The following SLIT2 variants were observed in gnomAD, a reference collection of about 807,000 sequenced individuals.
The protein encoded by SLIT2 is slit homolog 2 protein.
In SLIT2, 41 loss-of-function variants were observed where a neutral mutation model predicts 185.7. That is an observed-to-expected ratio of 0.22 (90% CI 0.17 to 0.29). The LOEUF is 0.29. SLIT2 is among the 10% of genes least tolerant of loss of function. The probability of loss-of-function intolerance (pLI) is 1.00; values close to 1 mark genes in which losing one functional copy is unlikely to be tolerated. For missense variants in SLIT2, 1,571 were observed against 1,909.0 expected, an observed-to-expected ratio of 0.82 and a Z score of 3.30; for synonymous variants, 693 against 680.2, an observed-to-expected ratio of 1.02 and a Z score of -0.29.
intron 4 of SLIT2, among the ~76,000 whole-genome samples, chr4:20,401,632 T>G (rs1015268389): frequency 4.0e-5 from 6 of 151,868 alleles, no homozygotes; most frequent in Non-Finnish European, 5.9e-5. Context: ...GAAGATCCCT[T>G]TCAACCTCAA....
Position 20,358,439 on chromosome 4 carries a change from C to T in SLIT2, c.395+89558C>T, listed in dbSNP as rs76191973. Among the ~76,000 whole-genome samples the T allele has an allele frequency of 1.5e-3, 225 of 152,158 alleles. 1 individual carries two copies. Among genetic ancestry groups the T allele is most frequent in the African/African-American group, 4.9e-3 (205 of 41,544 alleles). On this transcript the variant is annotated intron_variant, in intron 4 of 36. Coordinates refer to ENST00000504154, the MANE Select transcript of SLIT2 (RefSeq NM_004787.4). Reference sequence around the variant, plus strand: ...CTGTTGTTCTTACTCACATCAGGCACGCAGTCTTACTTTTTTGTAAATTTA... The same window carrying T: ...CTGTTGTTCTTACTCACATCAGGCATGCAGTCTTACTTTTTTGTAAATTTA...
chr4:20,387,239 A>G (rs1031330302), intron 4 of SLIT2, among the ~76,000 whole-genome samples: 4 of 152,106 alleles, frequency 2.6e-5, no homozygotes, highest in African/African-American at 9.7e-5. Context: ...ATTTTTGAGG[A>G]TTCTAAAAGG....
chr4:20,529,261 G>A (rs1030443910), intron 16 of SLIT2, among the ~76,000 whole-genome samples, 162 bp downstream of exon 16: 1 of 152,104 alleles, frequency 6.6e-6, no homozygotes, highest in Non-Finnish European at 1.5e-5. Context: ...ATATATTAGA[G>A]GCTACCTTCA....
At chr4:20,407,932 C>T (rs537197952) in intron 4 of SLIT2, among the ~76,000 whole-genome samples, 1 of 152,172 alleles carries the variant, frequency 6.6e-6, no homozygotes. Context: ...AAACAAAACA[C>T]TTTGATTGGC....
intron 26 of SLIT2, among the ~76,000 whole-genome samples, chr4:20,554,676 A>G (rs1275806703): frequency 6.6e-6 from 1 of 152,156 alleles, no homozygotes; most frequent in Non-Finnish European, 1.5e-5. Context: ...ATGGTAGTCA[A>G]CTATATGGAT....
intron 4 of SLIT2, among the ~76,000 whole-genome samples, chr4:20,443,859 A>G (rs199601994): frequency 1.3e-5 from 2 of 152,320 alleles, no homozygotes; most frequent in African/African-American, 4.8e-5. Context: ...ACCACTCAGC[A>G]TGGCGTAAGA....
chr4:20,301,700 T>C (rs1717058746), intron 4 of SLIT2, among the ~76,000 whole-genome samples: 1 of 152,158 alleles, frequency 6.6e-6, no homozygotes, highest in African/African-American at 2.4e-5. Context: ...GAGGAGGATG[T>C]ATTTTCATTT....
At chr4:20,399,255 TTATA>T (rs1268577346) in intron 4 of SLIT2, among the ~76,000 whole-genome samples, 1 of 151,624 alleles carries the variant, frequency 6.6e-6, no homozygotes, top group Non-Finnish European at 1.5e-5. Flanking sequence ...CAATTATAAT[TTATA>T]TAAGAAAAAT....
At position 20,253,735 on chromosome 4, in the gene SLIT2, C is replaced by T; in HGVS notation, c.-81C>T. 3.9e-6 allele frequency: 6 copies of T among 1,537,154 alleles called. No homozygotes were observed. The highest frequency in any genetic ancestry group is 5.3e-6 in the Non-Finnish European group (6 of 1,138,110). On this transcript the variant is annotated 5_prime_UTR_variant, in exon 1 of 37. Coordinates refer to ENST00000504154, the MANE Select transcript of SLIT2 (RefSeq NM_004787.4). ...TTGCTAGCCCCGCCGGGCACTGGGC[C>T]TCAGACACTGCGCGGTTCCCTCGGA... is the stretch of plus-strand genomic sequence containing the variant.
chr4:20,292,779 T>C (rs1716086139), intron 4 of SLIT2, among the ~76,000 whole-genome samples: 1 of 152,192 alleles, frequency 6.6e-6, no homozygotes, highest in South Asian at 2.1e-4. Context: ...CTTCCTAGCT[T>C]TTTCTTTTTT....
chr4:20,547,697 C>T (rs974440941), intron 22 of SLIT2, among the ~76,000 whole-genome samples: 2 of 149,902 alleles, frequency 1.3e-5, no homozygotes, highest in Non-Finnish European at 3.0e-5. Context: ...ATTAGTATTA[C>T]ATATTGTATA....
At chr4:20,511,343 G>T (rs1009903584) in intron 11 of SLIT2, among the ~76,000 whole-genome samples, 2 of 151,486 alleles carry the variant, frequency 1.3e-5, no homozygotes, top group East Asian at 1.9e-4. Context: ...ATTTTTAGGG[G>T]TGTATATTTT....
chr4:20,401,113 C>G (rs1272416240), intron 4 of SLIT2, among the ~76,000 whole-genome samples: 1 of 151,802 alleles, frequency 6.6e-6, no homozygotes, highest in African/African-American at 2.4e-5. Context: ...TATTCTCATC[C>G]ATCATCTTCT....
intron 4 of SLIT2, among the ~76,000 whole-genome samples, chr4:20,444,996 C>T (rs955373460): frequency 1.3e-5 from 2 of 152,146 alleles, no homozygotes; most frequent in South Asian, 2.1e-4. Context: ...TATTTGTATA[C>T]ATAATAAGTG....
At chr4:20,335,421 C>A (rs1326270761) in intron 4 of SLIT2, among the ~76,000 whole-genome samples, 1 of 152,126 alleles carries the variant, frequency 6.6e-6, no homozygotes. Flanking sequence ...TGAAATGTTA[C>A]AATGCCATAT....
chr4:20,261,754 A>G (rs1303528436), intron 3 of SLIT2, among the ~76,000 whole-genome samples: 3 of 151,878 alleles, frequency 2.0e-5, no homozygotes, highest in Non-Finnish European at 4.4e-5. Context: ...TTATGTTGGT[A>G]AGAATCAGTA....
intron 4 of SLIT2, among the ~76,000 whole-genome samples, chr4:20,308,621 A>G (rs1717792879): frequency 6.6e-6 from 1 of 152,124 alleles, no homozygotes; most frequent in Admixed American, 6.5e-5. Flanking sequence ...AGCTACTTCA[A>G]AGACTCTTGG....
intron 12 of SLIT2, among the ~76,000 whole-genome samples, chr4:20,522,409 T>G (rs1232760838): frequency 6.6e-6 from 1 of 152,144 alleles, no homozygotes; most frequent in African/African-American, 2.4e-5. Flanking sequence ...AAAATTGTCC[T>G]TCCTGAAGAG....
intron 5 of SLIT2, 82 bp from the exon 6 acceptor site, chr4:20,480,634 T>A: frequency 1.0e-6 from 1 of 977,424 alleles, no homozygotes; most frequent in East Asian, 2.4e-5. Context: ...CAGGGTATCA[T>A]AGACCCTTCA....
Sources: gnomAD v4.1 joint callset for allele counts (sites outside exome capture counted in the v4.1 genomes callset) on GRCh38, gnomAD v4.1.1 for gene constraint, MANE v1.5 for transcripts, NCBI Gene and HGNC (gene_info 2026-07-23, HGNC 2026-07-21) for gene names.